Variants in CACFD1 observed in about 807,000 individuals in gnomAD.
The protein encoded by CACFD1 is calcium channel flower homolog.
In CACFD1, 26 loss-of-function variants were observed where a neutral mutation model predicts 21.3. That is an observed-to-expected ratio of 1.22 (90% CI 0.89 to 1.69). The LOEUF is 1.69. CACFD1 is among the 40% of genes most tolerant of loss of function. CACFD1 has a pLI of 0.00. For synonymous variants in CACFD1, 121 were observed against 106.6 expected, an observed-to-expected ratio of 1.13 and a Z score of -0.83; for missense variants, 265 against 236.2, an observed-to-expected ratio of 1.12 and a Z score of -0.80.
At chr9:133,462,251 C>T (rs1843250952) in intron 1 of CACFD1, 1 of 1,304,192 alleles carries the variant, frequency 7.7e-7, no homozygotes, top group African/African-American at 1.5e-5. Context: ...AGGCAGGGAG[C>T]CGTGTCACCC....
chr9:133,461,834 G>A, intron 1 of CACFD1: 1 of 982,328 alleles, frequency 1.0e-6, no homozygotes, highest in Non-Finnish European at 1.2e-6. Flanking sequence ...CAAAAATGCA[G>A]GGTGTTTTAG....
chr9:133,463,297 G>T, intron 1 of CACFD1, 186 bp from the exon 2 acceptor site: 2 of 663,298 alleles, frequency 3.0e-6, no homozygotes, highest in Non-Finnish European at 3.7e-6. Flanking sequence ...GGCAAGCAAG[G>T]CACTGCACCT....
chr9:133,462,511 G>A (rs1329103607), intron 1 of CACFD1, among the ~76,000 whole-genome samples: 1 of 152,258 alleles, frequency 6.6e-6, no homozygotes, highest in Non-Finnish European at 1.5e-5. Flanking sequence ...CCAGACCCAG[G>A]TGGAGGGATC....
At chr9:133,467,566 G>A (rs936752257) in intron 3 of CACFD1, among the ~76,000 whole-genome samples, 1 of 152,218 alleles carries the variant, frequency 6.6e-6, no homozygotes, top group East Asian at 1.9e-4. Flanking sequence ...TAACTTGCCC[G>A]CGAAGCTAGT....
In CACFD1 at chr9:133,460,263, C is replaced by T. The variant is rs587615035; in HGVS notation, c.121+76C>T. 6.0e-6 allele frequency: 8 copies of T among 1,337,094 alleles called. No individual in the cohort carries two copies. In the South Asian group the frequency reaches 6.6e-5, roughly 11 times the overall value. 82.8% of individuals were successfully genotyped at this position (1,337,094 alleles called of 1,614,324 possible). Reference sequence around the variant, plus strand: ...CGCCCTGCCCTGCCCCGCCCCGCCCCGGCGGCCCCAGGGGAAAGGACCCGC... The same window carrying T: ...CGCCCTGCCCTGCCCCGCCCCGCCCTGGCGGCCCCAGGGGAAAGGACCCGC... On this transcript the variant is annotated intron_variant, in intron 1 of 4. Transcript: ENST00000316948.
intron 4 of CACFD1, 167 bp downstream of exon 4, chr9:133,468,195 A>C (rs1564458457): frequency 8.8e-7 from 1 of 1,129,966 alleles, no homozygotes; most frequent in Non-Finnish European, 1.2e-6. Context: ...GGGTGAAGAC[A>C]GAGGACTTAC....
chr9:133,461,364 C>T (rs587764227), intron 1 of CACFD1, among the ~76,000 whole-genome samples: 70 of 152,332 alleles, frequency 4.6e-4, no homozygotes, highest in African/African-American at 1.5e-3. Context: ...GGCCCTACCC[C>T]CAAATCACAA....
At chr9:133,460,465 G>GGGGCCGGC (rs1554798173) in intron 1 of CACFD1, among the ~76,000 whole-genome samples, 2 of 130,448 alleles carry the variant, frequency 1.5e-5, no homozygotes, top group African/African-American at 5.5e-5. Context: ...CCCCAGGGCG[G>GGGGCCGGC]GGGGGCGGCG....
Position 133,462,609 on chromosome 9 carries a change from C to G in CACFD1, c.122-874C>G, listed in dbSNP as rs1464475187. ...CCTCAGTGATGGCCTGGGCTTGCTCCCTGCCCAGCAGCCACCTCCTTGGAC... is the reference window on the plus strand; with the variant it reads ...CCTCAGTGATGGCCTGGGCTTGCTCGCTGCCCAGCAGCCACCTCCTTGGAC... On this transcript the variant is annotated intron_variant, in intron 1 of 4. Coordinates refer to ENST00000316948, the MANE Select transcript of CACFD1 (RefSeq NM_017586.5). Among the ~76,000 whole-genome samples the G allele has an allele frequency of 2.6e-5, 4 of 152,204 alleles. No individual in the cohort carries two copies. The East Asian group carries it at 7.7e-4, about 29-fold the overall frequency.
intron 4 of CACFD1, 177 bp downstream of exon 4, chr9:133,468,205 C>A (rs1035307407): frequency 1.8e-5 from 21 of 1,194,668 alleles, no homozygotes; most frequent in East Asian, 2.6e-5. Flanking sequence ...AGAGGACTTA[C>A]AACACTTCTG....
rs587669092 is a variant in CACFD1 at position 133,468,493 on chromosome 9, G to A, written c.429-70G>A. On this transcript the variant is annotated intron_variant, in intron 4 of 4. Transcript: ENST00000316948. ...ACACCTGGGTCACAGGGCAGGAACC[G>A]GGCAGTGGTCAGGAGGGCTGTGGGC... is the stretch of plus-strand genomic sequence containing the variant. 3.9e-5 allele frequency: 60 copies of A among 1,544,068 alleles called. No individual in the cohort carries two copies. In the East Asian group the frequency reaches 1.1e-3, roughly 28 times the overall value.
intron 1 of CACFD1, chr9:133,461,715 G>A (rs932507328): frequency 6.8e-5 from 16 of 234,330 alleles, no homozygotes; most frequent in Non-Finnish European, 9.8e-5. Flanking sequence ...GTCTACAGAT[G>A]AAGCTTCAGG....
chr9:133,467,227 C>T (rs1843473826), intron 3 of CACFD1, among the ~76,000 whole-genome samples: 1 of 152,172 alleles, frequency 6.6e-6, no homozygotes, highest in South Asian at 2.1e-4. Context: ...GCCCAGTTAG[C>T]CCAGGAATTG....
At chr9:133,468,091 A>G in intron 4 of CACFD1, 63 bp downstream of exon 4, 1 of 1,377,758 alleles carries the variant, frequency 7.3e-7, no homozygotes, top group Non-Finnish European at 1.0e-6. Flanking sequence ...GAAGTCCTTC[A>G]GTGAGGAGGA....
chr9:133,464,737 C>G (rs898798005), intron 2 of CACFD1, among the ~76,000 whole-genome samples: 1 of 152,148 alleles, frequency 6.6e-6, no homozygotes, highest in African/African-American at 2.4e-5. Context: ...CAAGGACTTG[C>G]TAAAGTTCTT....
intron 2 of CACFD1, among the ~76,000 whole-genome samples, chr9:133,464,457 G>C (rs973304472): frequency 1.3e-4 from 20 of 152,146 alleles, no homozygotes; most frequent in African/African-American, 4.3e-4. Flanking sequence ...TGGAGGCCTG[G>C]TGTGTGGGAG....
chr9:133,462,696 G>A (rs78534112), intron 1 of CACFD1, among the ~76,000 whole-genome samples: 2,957 of 152,322 alleles, frequency 0.019, 45 homozygotes, highest in Non-Finnish European at 0.031. Context: ...GTGGAGGAGG[G>A]AGTTGGGTGC....
intron 1 of CACFD1, chr9:133,462,061 C>G: frequency 7.7e-7 from 1 of 1,296,896 alleles, no homozygotes; most frequent in Non-Finnish European, 1.0e-6. Context: ...AGTGGACATC[C>G]TCCAGCCCTT....
chr9:133,461,987 G>A (rs1554798630), intron 1 of CACFD1: 2 of 985,288 alleles, frequency 2.0e-6, no homozygotes, highest in African/African-American at 3.5e-5. Flanking sequence ...TGATACCTTG[G>A]GAGGGGACAG....
Sources: allele counts gnomAD v4.1 joint callset (sites outside exome capture counted in the v4.1 genomes callset), GRCh38; gene constraint gnomAD v4.1.1; transcripts MANE v1.5; gene names NCBI Gene and HGNC (gene_info 2026-07-23, HGNC 2026-07-21).